The following PRKCE variants were observed in gnomAD, a reference collection of about 807,000 sequenced individuals.
PRKCE encodes the protein protein kinase C epsilon.
Under a neutral mutation model 85.4 loss-of-function variants are expected in PRKCE, and 16 were observed. That is an observed-to-expected ratio of 0.19 (90% CI 0.13 to 0.28). The LOEUF (loss-of-function observed/expected upper bound fraction) is 0.28. Among genes scored for constraint, PRKCE ranks in the 10% least tolerant of loss-of-function variants. The pLI is 1.00. For missense variants in PRKCE, 573 were observed against 975.2 expected (o/e 0.59, Z 5.49); for synonymous variants, 388 against 371.5 (o/e 1.04, Z -0.51).
intron 1 of PRKCE, among the ~76,000 whole-genome samples, chr2:45,809,915 G>A (rs1435529404): frequency 6.6e-6 from 1 of 151,834 alleles, no homozygotes; most frequent in Non-Finnish European, 1.5e-5. Flanking sequence ...AGCCCAAGGA[G>A]GGCATGGCTC....
intron 11 of PRKCE, among the ~76,000 whole-genome samples, chr2:46,104,193 G>A (rs1463240914): frequency 2.6e-5 from 4 of 151,894 alleles, no homozygotes; most frequent in Admixed American, 6.6e-5. Context: ...TGCTTTGGAA[G>A]CCTTCGTCTC....
chr2:45,778,408 T>C (rs1020136004), intron 1 of PRKCE, among the ~76,000 whole-genome samples: 12 of 152,174 alleles, frequency 7.9e-5, no homozygotes, highest in Admixed American at 5.9e-4. Flanking sequence ...GATGGGGAGA[T>C]CCTCATTTCG....
intron 14 of PRKCE, among the ~76,000 whole-genome samples, chr2:46,172,339 T>G (rs1472636574): frequency 1.3e-5 from 2 of 152,230 alleles, no homozygotes; most frequent in Non-Finnish European, 2.9e-5. Context: ...CTGGGGCCAG[T>G]GTGCACTGGA....
chr2:46,006,183 CAT>C (rs1705182546), intron 8 of PRKCE, among the ~76,000 whole-genome samples: 1 of 152,232 alleles, frequency 6.6e-6, no homozygotes, highest in Admixed American at 6.5e-5. Flanking sequence ...AGAAATAAGA[CAT>C]AGTTTCTTTT....
chr2:45,799,142 G>A (rs1182140822), intron 1 of PRKCE, among the ~76,000 whole-genome samples: 1 of 151,410 alleles, frequency 6.6e-6, no homozygotes, highest in Non-Finnish European at 1.5e-5. Flanking sequence ...CTCCAGCCTG[G>A]GCAACAGAGT....
At chr2:45,843,135 C>CG (rs397978888) in intron 2 of PRKCE, 72 bp downstream of exon 2, 17 of 1,350,752 alleles carry the variant, frequency 1.3e-5, no homozygotes, top group East Asian at 6.9e-5. Context: ...TTCTTTCCCC[C>CG]CCTTGGCCGG....
chr2:45,847,004 G>A (rs116753020), intron 2 of PRKCE, among the ~76,000 whole-genome samples: 3,771 of 152,292 alleles, frequency 0.025, 55 homozygotes, highest in African/African-American at 0.046. Context: ...TCTGACGCTG[G>A]GGTGGGACAT....
chr2:46,006,641 A>C (rs1187978691), intron 8 of PRKCE, among the ~76,000 whole-genome samples: 1 of 152,198 alleles, frequency 6.6e-6, no homozygotes, highest in Non-Finnish European at 1.5e-5. Context: ...CCATTTCCAC[A>C]CAGAAGAGTG....
At chr2:46,045,377 C>G (rs1030357908) in intron 10 of PRKCE, among the ~76,000 whole-genome samples, 2 of 152,178 alleles carry the variant, frequency 1.3e-5, no homozygotes, top group African/African-American at 4.8e-5. Flanking sequence ...TTTGACCGTC[C>G]TCTTTGACAT....
intron 1 of PRKCE, among the ~76,000 whole-genome samples, chr2:45,751,102 A>G (rs986617424): frequency 6.6e-6 from 1 of 152,136 alleles, no homozygotes; most frequent in African/African-American, 2.4e-5. Flanking sequence ...TGGGCCTTTC[A>G]GCCTCTGTGC....
intron 11 of PRKCE, among the ~76,000 whole-genome samples, chr2:46,101,377 C>T (rs1296759203): frequency 1.3e-5 from 2 of 152,152 alleles, no homozygotes; most frequent in Non-Finnish European, 2.9e-5. Context: ...AGTGACCACT[C>T]CCGGAGAGAT....
Position 46,068,737 on chromosome 2 carries a change from C to T in PRKCE, c.1438-17471C>T, listed in dbSNP as rs934471289. Among the ~76,000 whole-genome samples the T allele has an allele frequency of 2.0e-5, 3 of 152,184 alleles. No homozygotes were observed. Among genetic ancestry groups the T allele is most frequent in the Non-Finnish European group, 4.4e-5 (3 of 68,036 alleles). On this transcript the variant is annotated intron_variant, in intron 10 of 14. Coordinates refer to ENST00000306156, the MANE Select transcript of PRKCE (RefSeq NM_005400.3). This position sits in a 1 kb window ranked among gnomAD's most constrained non-coding sequence, Gnocchi z 4.3. The stretch of plus-strand genomic sequence containing the variant: ...GGATAGGAAATGCCTGGCATGTAGA[C>T]GGGAGAGACTTGGAGCAGTTGCCCA...
intron 2 of PRKCE, among the ~76,000 whole-genome samples, chr2:45,932,757 T>A (rs1699136406): frequency 6.6e-6 from 1 of 152,224 alleles, no homozygotes; most frequent in African/African-American, 2.4e-5. Flanking sequence ...CTTTCCAAGT[T>A]GAAATTCCGT....
At chr2:45,822,013 C>A (rs888065836) in intron 1 of PRKCE, among the ~76,000 whole-genome samples, 1 of 152,038 alleles carries the variant, frequency 6.6e-6, no homozygotes, top group African/African-American at 2.4e-5. Context: ...AGGTGCGGGG[C>A]GTGGGAGGAC....
chr2:46,155,184 G>A lies in PRKCE; in HGVS notation c.1920+3955G>A, dbSNP rs116151866. Among the ~76,000 whole-genome samples the A allele has an allele frequency of 5.1e-3, 784 of 152,240 alleles. 9 individuals carry two copies. The highest frequency in any genetic ancestry group is 0.018 in the African/African-American group (738 of 41,516). On this transcript the variant is annotated intron_variant, in intron 13 of 14. Coordinates refer to ENST00000306156, the MANE Select transcript of PRKCE (RefSeq NM_005400.3). The surrounding 1 kb of genome is among the most constrained non-coding windows in gnomAD (Gnocchi z 4.7). ...AGATCTGGCTTTCCAAGAGAAGCAC[G>A]AAATCCAGATTTTTATGTAAAAATC...
chr2:46,118,616 A>C (rs1358997331), intron 11 of PRKCE, among the ~76,000 whole-genome samples: 1 of 152,252 alleles, frequency 6.6e-6, no homozygotes, highest in Non-Finnish European at 1.5e-5. Flanking sequence ...AACTGGCTTC[A>C]ATAAGGAGGC....
chr2:45,785,505 A>AG (rs1686529846), intron 1 of PRKCE, among the ~76,000 whole-genome samples: 1 of 152,046 alleles, frequency 6.6e-6, no homozygotes, highest in African/African-American at 2.4e-5. Context: ...AAGAATAAAA[A>AG]AAAAAAAGAA....
chr2:45,935,782 CAAAAA>C (rs11332351), intron 2 of PRKCE, among the ~76,000 whole-genome samples: 2 of 134,630 alleles, frequency 1.5e-5, no homozygotes, highest in African/African-American at 5.5e-5. Flanking sequence ...GAGACTGTCT[CAAAAA>C]AAAAAAAAAA....
intron 10 of PRKCE, among the ~76,000 whole-genome samples, chr2:46,025,150 A>G (rs927630717): frequency 1.4e-4 from 22 of 152,218 alleles, no homozygotes. Context: ...TTACAAAAGA[A>G]TTCACGAGAG....
Sources: gnomAD v4.1 joint callset for allele counts (sites outside exome capture counted in the v4.1 genomes callset) on GRCh38, gnomAD v4.1.1 for gene constraint, Gnocchi (gnomAD v3.1) non-coding constraint, MANE v1.5 for transcripts, NCBI Gene and HGNC (gene_info 2026-07-23, HGNC 2026-07-21) for gene names.